SORCS3: variants seen among roughly 807,000 people sequenced by gnomAD.
SORCS3 encodes the protein VPS10 domain-containing receptor SorCS3.
Under a neutral mutation model 146.3 loss-of-function variants are expected in SORCS3, and 57 were observed. That is an observed-to-expected ratio of 0.39 (90% CI 0.31 to 0.49). The LOEUF (loss-of-function observed/expected upper bound fraction) is 0.49, where lower values mean the gene tolerates loss of function less well. Ranked by LOEUF, SORCS3 falls within the 20% of genes least tolerant of loss-of-function variation. SORCS3 has a pLI of 0.92. For synonymous variants in SORCS3, 653 were observed against 618.5 expected (o/e 1.06, Z -0.83); for missense variants, 1,341 against 1,575.5 (o/e 0.85, Z 2.52).
At chr10:104,648,543 A>G (rs945133304) in intron 1 of SORCS3, among the ~76,000 whole-genome samples, 19 of 152,106 alleles carry the variant, frequency 1.2e-4, no homozygotes, top group Non-Finnish European at 2.8e-4. Context: ...TCTATAGTCA[A>G]CCTGCCCACC....
intron 7 of SORCS3, among the ~76,000 whole-genome samples, chr10:105,124,238 T>A (rs2133767351): frequency 6.6e-6 from 1 of 152,298 alleles, no homozygotes; most frequent in African/African-American, 2.4e-5. Flanking sequence ...CAGCTCCATG[T>A]CTATTGAAAA....
At chr10:105,054,039 G>T (rs2055430293) in intron 5 of SORCS3, among the ~76,000 whole-genome samples, 1 of 151,874 alleles carries the variant, frequency 6.6e-6, no homozygotes, top group South Asian at 2.1e-4. Flanking sequence ...TGCAAAAATG[G>T]GTTTTCCTTG....
intron 7 of SORCS3, among the ~76,000 whole-genome samples, chr10:105,126,641 C>T (rs2055976038): frequency 6.6e-6 from 1 of 152,122 alleles, no homozygotes; most frequent in Non-Finnish European, 1.5e-5. Flanking sequence ...ATCGTTATGC[C>T]TGCAGTATCT....
chr10:105,135,993 A>G (rs573243499), intron 7 of SORCS3, among the ~76,000 whole-genome samples: 9 of 152,306 alleles, frequency 5.9e-5, no homozygotes, highest in African/African-American at 1.9e-4. Flanking sequence ...TTAATGCAAT[A>G]TAGGGTTTTT....
At chr10:104,887,488 G>A (rs2018701105) in intron 2 of SORCS3, among the ~76,000 whole-genome samples, 1 of 152,190 alleles carries the variant, frequency 6.6e-6, no homozygotes, top group African/African-American at 2.4e-5. Flanking sequence ...GATGTTAGAA[G>A]GCTGTAAAGG....
intron 5 of SORCS3, among the ~76,000 whole-genome samples, chr10:105,064,441 C>G (rs2133720893): frequency 6.6e-6 from 1 of 152,130 alleles, no homozygotes; most frequent in African/African-American, 2.4e-5. Context: ...TTGGCTCGTG[C>G]AATTATAGAG....
chr10:104,921,509 G>C (rs112592427), intron 3 of SORCS3, among the ~76,000 whole-genome samples: 22,087 of 146,512 alleles, frequency 0.15, 1,758 homozygotes, highest in African/African-American at 0.21. Context: ...CTCTCTGTGT[G>C]TGTGTGTGTG....
chr10:105,213,224 A>G (rs1229331702), intron 17 of SORCS3, among the ~76,000 whole-genome samples: 12 of 152,212 alleles, frequency 7.9e-5, no homozygotes, highest in Non-Finnish European at 1.6e-4. Context: ...GTAATGACAT[A>G]CAACATTAGC....
intron 3 of SORCS3, among the ~76,000 whole-genome samples, chr10:104,932,005 A>G (rs1261729944): frequency 1.3e-5 from 2 of 152,172 alleles, no homozygotes; most frequent in African/African-American, 2.4e-5. Flanking sequence ...CTGATGTCAG[A>G]GCAGAAACTT....
chr10:105,087,492 A>T (rs934538641), intron 5 of SORCS3, among the ~76,000 whole-genome samples: 17 of 151,874 alleles, frequency 1.1e-4, no homozygotes, highest in African/African-American at 3.9e-4. Context: ...TCTGGGAAAA[A>T]AAAAAAAAGA....
At chr10:104,763,757 C>T (rs935597943) in intron 1 of SORCS3, among the ~76,000 whole-genome samples, 2 of 152,162 alleles carry the variant, frequency 1.3e-5, no homozygotes, top group Non-Finnish European at 2.9e-5. Context: ...TTGTAATCCC[C>T]ATAATCTTCA....
intron 3 of SORCS3, among the ~76,000 whole-genome samples, chr10:104,932,806 C>A (rs973158513): frequency 1.3e-5 from 2 of 152,168 alleles, no homozygotes; most frequent in Non-Finnish European, 2.9e-5. Context: ...AATCCTCCTA[C>A]CTCAGAGTCA....
At chr10:104,935,089 A>G (rs139118023) in intron 3 of SORCS3, among the ~76,000 whole-genome samples, 119 of 152,346 alleles carry the variant, frequency 7.8e-4, no homozygotes, top group Non-Finnish European at 1.2e-3. Flanking sequence ...TGTGTGCCAG[A>G]GACAGGGCCA....
intron 7 of SORCS3, among the ~76,000 whole-genome samples, chr10:105,132,614 G>A (rs539411427): frequency 1.1e-4 from 16 of 152,236 alleles, no homozygotes; most frequent in South Asian, 1.0e-3. Flanking sequence ...AAAAATAAAG[G>A]ATCTGTCAGG....
chr10:105,255,186 CA>C (rs35150065), intron 23 of SORCS3, among the ~76,000 whole-genome samples: 370 of 32,656 alleles, frequency 0.011, no homozygotes, highest in African/African-American at 0.035. Flanking sequence ...GACTCAGTCT[CA>C]AAAAAAAAAA....
chr10:105,022,730 T>C (rs2055205346), intron 4 of SORCS3, among the ~76,000 whole-genome samples: 1 of 152,114 alleles, frequency 6.6e-6, no homozygotes, highest in Non-Finnish European at 1.5e-5. Context: ...ATTGTTATTG[T>C]GACCGTGGGC....
intron 5 of SORCS3, among the ~76,000 whole-genome samples, chr10:105,072,556 A>G (rs1439391871): frequency 6.6e-6 from 1 of 151,712 alleles, no homozygotes; most frequent in Non-Finnish European, 1.5e-5. Flanking sequence ...TGTGCTATGC[A>G]TGCTCATTTT....
At chr10:104,842,569 C>A (rs1475681525) in intron 1 of SORCS3, among the ~76,000 whole-genome samples, 1 of 152,168 alleles carries the variant, frequency 6.6e-6, no homozygotes, top group African/African-American at 2.4e-5. Context: ...AATGCAAGCA[C>A]TGTCAGGATT....
At chr10:105,118,146 G>A (rs1275148666) in intron 7 of SORCS3, among the ~76,000 whole-genome samples, 1 of 152,110 alleles carries the variant, frequency 6.6e-6, no homozygotes, top group Non-Finnish European at 1.5e-5. Context: ...CCAGTGTGTC[G>A]TGGGAGGGAC....
Sources: gnomAD v4.1 joint callset for allele counts (sites outside exome capture counted in the v4.1 genomes callset) on GRCh38, gnomAD v4.1.1 for gene constraint, MANE v1.5 for transcripts, NCBI Gene and HGNC (gene_info 2026-07-23, HGNC 2026-07-21) for gene names.